The following CCDC38 variants were observed in gnomAD, a reference collection of about 807,000 sequenced individuals.
The protein encoded by CCDC38 is coiled-coil domain containing 38.
Under a neutral mutation model 72.8 loss-of-function variants are expected in CCDC38, and 69 were observed. The ratio of observed to expected loss-of-function variants is 0.95; its 90% CI spans 0.78 to 1.16. The LOEUF is 1.16. Ranked by LOEUF, CCDC38 falls within the 50% of genes most tolerant of loss-of-function variation. The probability of loss-of-function intolerance (pLI) is 0.00; values close to 1 mark genes in which losing one functional copy is unlikely to be tolerated. For synonymous variants in CCDC38, 201 were observed against 213.2 expected (o/e 0.94, Z 0.50); for missense variants, 626 against 638.9 (o/e 0.98, Z 0.22).
At chr12:95,933,224 A>G (rs1264791440) in intron 2 of CCDC38, 1 of 152,216 alleles carries the variant, frequency 6.6e-6, no homozygotes, top group Non-Finnish European at 1.5e-5. Flanking sequence ...GACTTTGTTC[A>G]TCAAAAGACG....
intron 10 of CCDC38, among the ~76,000 whole-genome samples, chr12:95,887,913 G>A (rs539693763): frequency 6.6e-6 from 1 of 152,228 alleles, no homozygotes; most frequent in East Asian, 1.9e-4. Context: ...AAATGTTTCC[G>A]TTTCTCTCAG....
intron 1 of CCDC38, among the ~76,000 whole-genome samples, chr12:95,941,241 G>A (rs1400510409): frequency 6.6e-6 from 1 of 152,158 alleles, no homozygotes; most frequent in African/African-American, 2.4e-5. Context: ...TTAAGTACAT[G>A]GTCTGTGAAG....
intron 9 of CCDC38, among the ~76,000 whole-genome samples, chr12:95,889,703 T>C (rs892711019): frequency 6.6e-6 from 1 of 151,920 alleles, no homozygotes; most frequent in South Asian, 2.1e-4. Context: ...TCAGCCTGAA[T>C]TGGGGGCTGC....
chr12:95,920,574 C>T (rs10777751), intron 2 of CCDC38, among the ~76,000 whole-genome samples: 60,469 of 151,898 alleles, frequency 0.4, 12,748 homozygotes, highest in African/African-American at 0.5. Context: ...ACATTGGAAA[C>T]ATGTTAAGTA....
rs143561830 is a variant in CCDC38, at chr12:95,933,579, G to A, written c.37+2894C>T. 2.0e-5 allele frequency: 3 copies of A among 152,262 alleles called. No individual in the cohort carries two copies. The East Asian group carries it at 5.8e-4, about 29-fold the overall frequency. The allele number at this position is 152,262 out of a possible 1,614,324, so 9.4% of individuals were successfully genotyped here. On this transcript the variant is annotated intron_variant, in intron 2 of 15. Coordinates refer to ENST00000344280, the MANE Select transcript of CCDC38 (RefSeq NM_182496.3). ...CCACAGGATCTCTAATACATTTCTT[G>A]TAGAGTTATGATTGGCACAACTACT... is the stretch of plus-strand genomic sequence containing the variant.
intron 2 of CCDC38, chr12:95,919,304 G>C (rs977820865): frequency 1.9e-5 from 7 of 362,836 alleles, no homozygotes; most frequent in Non-Finnish European, 3.7e-5. Flanking sequence ...GTTACAGCTC[G>C]GCATTTGCCT....
At chr12:95,918,576 T>A (rs1309146582) in intron 3 of CCDC38, among the ~76,000 whole-genome samples, 1 of 152,156 alleles carries the variant, frequency 6.6e-6, no homozygotes, top group Non-Finnish European at 1.5e-5. Context: ...ATTTCAGAAA[T>A]GTAAAAAATG....
At chr12:95,907,764 C>T (rs576675943) in intron 4 of CCDC38, among the ~76,000 whole-genome samples, 3 of 149,220 alleles carry the variant, frequency 2.0e-5, no homozygotes, top group South Asian at 2.1e-4. Context: ...ACTTCTCAGA[C>T]GAGGTGGCCA....
intron 2 of CCDC38, among the ~76,000 whole-genome samples, chr12:95,928,794 G>T (rs946640436): frequency 1.2e-4 from 18 of 152,168 alleles, no homozygotes; most frequent in African/African-American, 3.9e-4. Context: ...TGGAGTACCC[G>T]GCCGTGTGAG....
rs1219454529 is a variant in CCDC38 at position 95,878,287 on chromosome 12, C to G, written c.1202G>C (p.Arg401Thr). ...CAATTCTGCTGCTTTCTCTTCTTCT[C>G]TCACACAGTTAGCTTTAAGCATTTT... ...QEKMLKANCVREEEKAAELQL... is the reference protein window; with the variant it reads ...QEKMLKANCVTEEEKAAELQL... Residue 401 changes from arginine (R) to threonine (T), a missense_variant, in exon 13 of 16, where the codon AGA becomes ACA. Arg to Thr is a moderately conservative substitution (Grantham distance 71). Transcript: ENST00000344280. The G allele has an allele frequency of 1.2e-6, 2 of 1,613,646 alleles. No homozygotes were observed.
intron 5 of CCDC38, among the ~76,000 whole-genome samples, chr12:95,899,230 C>G (rs181713131): frequency 3.3e-5 from 5 of 152,310 alleles, no homozygotes; most frequent in Non-Finnish European, 5.9e-5. Context: ...CCAAACACAA[C>G]TTTGACATCT....
At chr12:95,880,098 G>A (rs528538531) in intron 11 of CCDC38, 2 of 201,446 alleles carry the variant, frequency 9.9e-6, no homozygotes, top group Non-Finnish European at 2.0e-5. Flanking sequence ...AAAGGGAAAG[G>A]GAGAAGGAAT....
At chr12:95,921,203 T>C (rs1341176700) in intron 2 of CCDC38, among the ~76,000 whole-genome samples, 1 of 152,306 alleles carries the variant, frequency 6.6e-6, no homozygotes. Flanking sequence ...TTTTTCTTTA[T>C]AACATTTGAT....
chr12:95,936,609 A>G, intron 1 of CCDC38, 86 bp from the exon 2 acceptor site: 1 of 1,056,094 alleles, frequency 9.5e-7, no homozygotes, highest in Non-Finnish European at 1.4e-6. Context: ...TGACTCCTTA[A>G]CAGTCCTTAT....
intron 9 of CCDC38, 105 bp downstream of exon 9, chr12:95,890,727 G>A: frequency 3.2e-6 from 2 of 620,738 alleles, no homozygotes; most frequent in South Asian, 4.3e-5. Context: ...AGGGTGGGGT[G>A]GACACAGCCC....
intron 10 of CCDC38, among the ~76,000 whole-genome samples, chr12:95,884,681 T>C (rs1392797736): frequency 6.6e-6 from 1 of 152,242 alleles, no homozygotes; most frequent in Admixed American, 6.5e-5. Flanking sequence ...TTCTCTTAGC[T>C]GCTCCTATTG....
At chr12:95,888,416 C>A (rs1286181666) in intron 10 of CCDC38, 42 bp downstream of exon 10, 1 of 1,557,808 alleles carries the variant, frequency 6.4e-7, no homozygotes, top group East Asian at 2.2e-5. Context: ...TGCTGAAAAC[C>A]ATTCCCAGTT....
At chr12:95,874,078 C>G (rs1300531473) in intron 13 of CCDC38, among the ~76,000 whole-genome samples, 1 of 152,134 alleles carries the variant, frequency 6.6e-6, no homozygotes, top group East Asian at 1.9e-4. Flanking sequence ...TACTGTGTTT[C>G]CTATTTATGT....
chr12:95,906,412 T>A lies in CCDC38; in HGVS notation c.344A>T (p.Asp115Val). 6.2e-7 allele frequency: 1 copy of A among 1,613,404 alleles called. No homozygotes were observed. The highest frequency in any genetic ancestry group is 8.5e-7 in the Non-Finnish European group (1 of 1,179,556). ...TKRTVHEFIN[D>V]QRDRFLLEYA... ...CTCGAGCAGAAACCTGTCTCTCTGG[T>A]CATTAATAAATTCATGGACAGTCCT... is the stretch of plus-strand genomic sequence containing the variant. The change falls in exon 5 of 16, where the codon GAC becomes GTC. Residue 115 changes from aspartate (D) to valine (V), a missense_variant. Asp to Val is a radical substitution (Grantham distance 152). Transcript: ENST00000344280.
Sources: allele counts gnomAD v4.1 joint callset (sites outside exome capture counted in the v4.1 genomes callset), GRCh38; gene constraint gnomAD v4.1.1; transcripts MANE v1.5; gene names NCBI Gene and HGNC (gene_info 2026-07-23, HGNC 2026-07-21).